UBAP1: variants seen among roughly 807,000 people sequenced by gnomAD.
The protein encoded by UBAP1 is ubiquitin-associated protein 1.
Under a neutral mutation model 39.0 loss-of-function variants are expected in UBAP1, and 5 were observed. The ratio of observed to expected loss-of-function variants is 0.13; its 90% CI spans 0.07 to 0.27. UBAP1 has a LOEUF of 0.27. Ranked by LOEUF, UBAP1 falls within the 10% of genes least tolerant of loss-of-function variation. The probability of loss-of-function intolerance (pLI) is 1.00; values close to 1 mark genes in which losing one functional copy is unlikely to be tolerated. For missense variants in UBAP1, 490 were observed against 608.1 expected, an observed-to-expected ratio of 0.81 and a Z score of 2.04; for synonymous variants, 211 against 225.1, an observed-to-expected ratio of 0.94 and a Z score of 0.56.
At chr9:34,227,728 T>TA (rs1563912248) in intron 2 of UBAP1, among the ~76,000 whole-genome samples, 1 of 152,246 alleles carries the variant, frequency 6.6e-6, no homozygotes, top group South Asian at 2.1e-4. Flanking sequence ...AGTGGCTATT[T>TA]AAAAAATTGA....
chr9:34,182,644 T>TTTCC (rs1491232561), intron 1 of UBAP1, among the ~76,000 whole-genome samples: 5 of 59,368 alleles, frequency 8.4e-5, no homozygotes, highest in Admixed American at 2.2e-4. Context: ...TCTTTCTTTC[T>TTTCC]TTCTTTCTTT....
chr9:34,194,769 A>G (rs1323151769), intron 1 of UBAP1, among the ~76,000 whole-genome samples: 1 of 152,152 alleles, frequency 6.6e-6, no homozygotes, highest in Non-Finnish European at 1.5e-5. Context: ...CCTTACAATA[A>G]CTTTATGAGA....
chr9:34,191,091 T>A (rs897833162), intron 1 of UBAP1, among the ~76,000 whole-genome samples: 2 of 152,174 alleles, frequency 1.3e-5, no homozygotes, highest in African/African-American at 4.8e-5. Context: ...TCCTGTCTGA[T>A]ATGTCTCCAA....
At chr9:34,242,284 T>G (rs1834001569) in intron 4 of UBAP1, among the ~76,000 whole-genome samples, 176 bp downstream of exon 4, 1 of 152,010 alleles carries the variant, frequency 6.6e-6, no homozygotes, top group South Asian at 2.1e-4. Flanking sequence ...TCAAGCCTGT[T>G]GGGACAACAG....
intron 3 of UBAP1, among the ~76,000 whole-genome samples, chr9:34,237,306 G>T (rs1563917880): frequency 6.6e-6 from 1 of 152,120 alleles, no homozygotes; most frequent in Non-Finnish European, 1.5e-5. Context: ...TAGAGCAACA[G>T]AAAAATATGG....
chr9:34,179,088 A>G lies in UBAP1; in HGVS notation c.-160A>G. ...GGCGGCTGCGGCACTGGCGGTGGCT[A>G]CGGTGACGGCCTGGCCCGGAGCGGG... On this transcript the variant is annotated 5_prime_UTR_variant, in exon 1 of 7. Transcript: ENST00000297661. 1.6e-6 allele frequency: 2 copies of G among 1,278,694 alleles called. No homozygotes were observed. The highest frequency in any genetic ancestry group is 2.0e-6 in the Non-Finnish European group (2 of 1,010,470). 79.2% of individuals were successfully genotyped at this position (1,278,694 alleles called of 1,614,324 possible).
At chr9:34,181,118 T>TTTTTC (rs1554644667) in intron 1 of UBAP1, among the ~76,000 whole-genome samples, 110 of 109,672 alleles carry the variant, frequency 1.0e-3, no homozygotes, top group African/African-American at 3.4e-3. Flanking sequence ...CCTGTTTTCT[T>TTTTTC]TTTTTTTTTT....
rs56012034 is a variant in UBAP1 at position 34,202,624 on chromosome 9, C to CGTGTGTGTGTGT, written c.-7-18241_-7-18230dup. 2.4e-3 allele frequency among the ~76,000 whole-genome samples: 256 copies of CGTGTGTGTGTGT among 107,352 alleles called. 4 individuals are homozygous for CGTGTGTGTGTGT. The highest frequency in any genetic ancestry group is 6.2e-3 in the African/African-American group (159 of 25,540). The allele number at this position is 107,352 out of a possible 152,430, so 70.4% of individuals were successfully genotyped here. ...ATGGGCCAGAAGCTGTAGACAGAAACGTGTGTGTGTGTGTGTGTGTGTGTG... is the reference window on the plus strand; with the variant it reads ...ATGGGCCAGAAGCTGTAGACAGAAACGTGTGTGTGTGTGTGTGTGTGTGTGTGTGTGTGTGTG... On this transcript the variant is annotated intron_variant, in intron 1 of 6. Coordinates refer to ENST00000297661, the MANE Select transcript of UBAP1 (RefSeq NM_016525.5).
intron 4 of UBAP1, among the ~76,000 whole-genome samples, chr9:34,243,220 C>T (rs978228832): frequency 6.6e-6 from 1 of 152,192 alleles, no homozygotes; most frequent in African/African-American, 2.4e-5. Flanking sequence ...ATTAAAATCT[C>T]CCTGGAAAAG....
rs1829879687 is a variant in UBAP1, at chr9:34,179,232, G to A, written c.-16G>A. 4.1e-6 allele frequency: 5 copies of A among 1,232,230 alleles called. No homozygotes were observed. In the South Asian group the frequency reaches 1.2e-4, roughly 30 times the overall value. 76.3% of individuals were successfully genotyped at this position (1,232,230 alleles called of 1,614,324 possible). On this transcript the variant is annotated 5_prime_UTR_variant, in exon 1 of 7. Transcript: ENST00000297661. ...CGGCTTCTGAGACGGCGGCAGCAGC[G>A]GCATTCAGGTGAGGGGGGCCTCCCT...
At chr9:34,239,507 A>T (rs1434060214) in intron 3 of UBAP1, among the ~76,000 whole-genome samples, 3 of 152,202 alleles carry the variant, frequency 2.0e-5, no homozygotes, top group African/African-American at 7.2e-5. Flanking sequence ...TTCAGCTAAA[A>T]TTTCTTTAGA....
chr9:34,243,724 A>T (rs1449543271), intron 4 of UBAP1, among the ~76,000 whole-genome samples: 2 of 151,606 alleles, frequency 1.3e-5, no homozygotes, highest in Non-Finnish European at 2.9e-5. Flanking sequence ...TCCTGTGCTC[A>T]AGTGATCCAC....
chr9:34,202,624 C>CGTGTGTGTGTGTGTGTGTGTGTGTGT (rs56012034), intron 1 of UBAP1, among the ~76,000 whole-genome samples: 21 of 107,364 alleles, frequency 2.0e-4, no homozygotes, highest in African/African-American at 6.3e-4. Flanking sequence ...TAGACAGAAA[C>CGTGTGTGTGTGTGTGTGTGTGTGTGT]GTGTGTGTGT....
At chr9:34,244,480 GGAGACA>G (rs1834127079) in intron 4 of UBAP1, among the ~76,000 whole-genome samples, 1 of 56,040 alleles carries the variant, frequency 1.8e-5, no homozygotes, top group Admixed American at 2.2e-4. Context: ...TTTTTTCTTT[GGAGACA>G]GATTTTGCTC....
intron 1 of UBAP1, among the ~76,000 whole-genome samples, chr9:34,182,681 T>TTCTTTCTTTCTCTCTCTCTCTCTC: frequency 8.7e-6 from 1 of 115,492 alleles, no homozygotes; most frequent in Non-Finnish European, 1.8e-5. Flanking sequence ...CTTTCTTTCT[T>TTCTTTCTTTCTCTCTCTCTCTCTC]TCTCTCTCTC....
chr9:34,197,397 C>G (rs1831129778), intron 1 of UBAP1, among the ~76,000 whole-genome samples: 1 of 152,094 alleles, frequency 6.6e-6, no homozygotes, highest in Non-Finnish European at 1.5e-5. Flanking sequence ...CCGCCTTGGC[C>G]TCCCAAAGTG....
intron 1 of UBAP1, among the ~76,000 whole-genome samples, chr9:34,205,439 A>G (rs1219243183): frequency 6.6e-6 from 1 of 152,102 alleles, no homozygotes; most frequent in East Asian, 1.9e-4. Flanking sequence ...ACAAGAGATT[A>G]TTGTTTTAGC....
At chr9:34,235,663 G>A (rs902765988) in intron 3 of UBAP1, among the ~76,000 whole-genome samples, 2 of 151,742 alleles carry the variant, frequency 1.3e-5, no homozygotes, top group African/African-American at 4.8e-5. Flanking sequence ...TACAAATTTA[G>A]TATAGCCTAA....
intron 1 of UBAP1, among the ~76,000 whole-genome samples, chr9:34,199,505 C>G (rs527933447): frequency 2.6e-5 from 4 of 152,176 alleles, no homozygotes; most frequent in African/African-American, 9.7e-5. Context: ...TCAGTTTTCC[C>G]TAATGTTAAC....
Sources: gnomAD v4.1 joint callset for allele counts (sites outside exome capture counted in the v4.1 genomes callset) on GRCh38, gnomAD v4.1.1 for gene constraint, MANE v1.5 for transcripts, NCBI Gene and HGNC (gene_info 2026-07-23, HGNC 2026-07-21) for gene names.